The following HSCB variants were observed in gnomAD, a reference collection of about 807,000 sequenced individuals.
HSCB encodes iron-sulfur cluster co-chaperone protein HscB.
In HSCB, 23 loss-of-function variants were observed where a neutral mutation model predicts 31.3. The ratio of observed to expected loss-of-function variants is 0.74; its 90% confidence interval spans 0.53 to 1.04. HSCB has a LOEUF of 1.04. Ranked by LOEUF, HSCB falls within the 50% of genes least tolerant of loss-of-function variation. The pLI, the probability that HSCB is intolerant of heterozygous loss-of-function variation, is 0.00. For missense variants in HSCB, 297 were observed against 288.1 expected, an observed-to-expected ratio of 1.03 and a Z score of -0.22; for synonymous variants, 110 against 104.5, an observed-to-expected ratio of 1.05 and a Z score of -0.32.
chr22:28,751,497 C>G (rs2030253089), intron 5 of HSCB, among the ~76,000 whole-genome samples: 1 of 152,190 alleles, frequency 6.6e-6, no homozygotes, highest in African/African-American at 2.4e-5. Context: ...TGCCTGTAAT[C>G]CCAACACTGG....
rs2030665041 is a variant in HSCB, at chr22:28,757,176, AT to A, written c.*8del. 1 of 1,409,214 alleles carries A rather than the reference AT, an allele frequency of 7.1e-7. No individual in the cohort carries two copies. Among genetic ancestry groups the A allele is most frequent in the African/African-American group, 1.4e-5 (1 of 70,890 alleles). 87.3% of individuals were successfully genotyped at this position (1,409,214 alleles called of 1,614,324 possible). ...AAAGAAGATTCCCCTTTAATTGTGG[AT>A]AGTTTAAAGTTTAAAAAATAAAGTT... On this transcript the variant is annotated 3_prime_UTR_variant, in exon 6 of 6. Transcript: ENST00000216027.
chr22:28,754,785 G>A (rs1459115265), intron 5 of HSCB, among the ~76,000 whole-genome samples: 1 of 143,512 alleles, frequency 7.0e-6, no homozygotes, highest in Non-Finnish European at 1.5e-5. Flanking sequence ...TTTATGTCAT[G>A]TGTTACCAAC....
At chr22:28,747,172 G>A (rs927000123) in intron 4 of HSCB, among the ~76,000 whole-genome samples, 3 of 152,134 alleles carry the variant, frequency 2.0e-5, no homozygotes, top group Admixed American at 6.6e-5. Flanking sequence ...ACCTGTTTTT[G>A]CACTTAATGC....
At position 28,749,942 on chromosome 22, in the gene HSCB, TAAAGCACGTA is replaced by T. The variant is rs545261529; in HGVS notation, c.569-1292_569-1283del. On this transcript the variant is annotated intron_variant, in intron 4 of 5. Transcript: ENST00000216027. ...GTTGTGGGGATCAAGTTAAATGAGA[TAAAGCACGTA>T]AAAGCATGTATTCTAGGCCAGGTTT... Among the ~76,000 whole-genome samples the T allele has an allele frequency of 2.4e-4, 37 of 152,140 alleles. No individual in the cohort carries two copies. The East Asian group carries it at 6.4e-3, about 26-fold the overall frequency.
intron 2 of HSCB, 139 bp downstream of exon 2, chr22:28,744,117 C>T: frequency 1.4e-6 from 1 of 721,892 alleles, no homozygotes; most frequent in Admixed American, 2.1e-5. Context: ...CCCAGCCTGT[C>T]AGACCCAGAG....
chr22:28,757,048 G>C (rs2030648457), intron 5 of HSCB, 30 bp from the exon 6 acceptor site: 1 of 1,261,396 alleles, frequency 7.9e-7, no homozygotes, highest in African/African-American at 1.5e-5. Flanking sequence ...TTGAAATGAA[G>C]CCTGACTTCA....
At chr22:28,751,478 G>A (rs186790320) in intron 5 of HSCB, among the ~76,000 whole-genome samples, 190 bp downstream of exon 5, 260 of 152,268 alleles carry the variant, frequency 1.7e-3, no homozygotes, top group African/African-American at 6.0e-3. Context: ...GGCCAGGCAC[G>A]GTGGCTAATG....
intron 3 of HSCB, among the ~76,000 whole-genome samples, chr22:28,745,012 G>C (rs868448870): frequency 6.6e-6 from 1 of 151,234 alleles, no homozygotes; most frequent in Non-Finnish European, 1.5e-5. Flanking sequence ...GAGCCTGAGA[G>C]GTCAAGGCTG....
chr22:28,749,486 G>A (rs921009427), intron 4 of HSCB, among the ~76,000 whole-genome samples: 1 of 152,128 alleles, frequency 6.6e-6, no homozygotes, highest in Non-Finnish European at 1.5e-5. Flanking sequence ...ACTGTTCTAT[G>A]TGACATTAAT....
At chr22:28,746,244 G>A (rs1172291726) in intron 4 of HSCB, among the ~76,000 whole-genome samples, 1 of 151,948 alleles carries the variant, frequency 6.6e-6, no homozygotes, top group Non-Finnish European at 1.5e-5. Flanking sequence ...AGCCGGGCGT[G>A]GTGGCGGGTG....
chr22:28,745,059 A>G (rs1250034249), intron 3 of HSCB, among the ~76,000 whole-genome samples: 3 of 151,608 alleles, frequency 2.0e-5, no homozygotes, highest in Non-Finnish European at 4.4e-5. Context: ...CCCTCTCAAA[A>G]AAAAAAAAAA....
At chr22:28,742,840 GA>G in intron 1 of HSCB, 1 of 157,556 alleles carries the variant, frequency 6.3e-6, no homozygotes, top group Non-Finnish European at 1.4e-5. Context: ...AGGCCTGAGG[GA>G]AAAGTGAGAA....
chr22:28,756,741 G>A (rs969361126), intron 5 of HSCB, among the ~76,000 whole-genome samples: 2 of 151,666 alleles, frequency 1.3e-5, no homozygotes, highest in Non-Finnish European at 2.9e-5. Context: ...CCATCCTCCC[G>A]CCTCAGCCTC....
intron 5 of HSCB, among the ~76,000 whole-genome samples, chr22:28,754,799 A>G (rs1335718984): frequency 6.8e-6 from 1 of 146,204 alleles, no homozygotes; most frequent in Non-Finnish European, 1.5e-5. Flanking sequence ...TACCAACTTA[A>G]TTTTTTTTTT....
Position 28,748,041 on chromosome 22 carries a change from C to T in HSCB, c.568+2033C>T, listed in dbSNP as rs144604207. On this transcript the variant is annotated intron_variant, in intron 4 of 5. Coordinates refer to ENST00000216027, the MANE Select transcript of HSCB (RefSeq NM_172002.5). ...TCTACTAAAAATATAAAAAATTAGC[C>T]GGGCGTGTTAGCACACGCCTGTAGT... 8.2e-3 allele frequency among the ~76,000 whole-genome samples: 1,245 copies of T among 152,176 alleles called. 19 individuals are homozygous for T. Among genetic ancestry groups the T allele is most frequent in the African/African-American group, 0.029 (1,202 of 41,510 alleles).
intron 5 of HSCB, among the ~76,000 whole-genome samples, 161 bp from the exon 6 acceptor site, chr22:28,756,917 A>G (rs1007647983): frequency 1.3e-5 from 2 of 152,108 alleles, no homozygotes; most frequent in African/African-American, 4.8e-5. Context: ...TGTCTCCTTA[A>G]CAATCCAGAT....
chr22:28,744,516 C>A, intron 2 of HSCB, 99 bp from the exon 3 acceptor site: 1 of 826,728 alleles, frequency 1.2e-6, no homozygotes, highest in Non-Finnish European at 2.0e-6. Context: ...CGCGCCACTG[C>A]ACACTCCAGC....
rs983999019 is a variant in HSCB at position 28,757,257 on chromosome 22, T to G, written c.*88T>G. On this transcript the variant is annotated 3_prime_UTR_variant, in exon 6 of 6. Coordinates refer to ENST00000216027, the MANE Select transcript of HSCB (RefSeq NM_172002.5). ...ATCCCAGCACTTTGGGAGGCTGAGG[T>G]GGGTGGATGACAAGGTCAGGAGTTC... 4 of 664,330 alleles carry G rather than the reference T, an allele frequency of 6.0e-6. No homozygotes were observed. The African/African-American group carries it at 7.3e-5, about 12-fold the overall frequency. The allele number at this position is 664,330 out of a possible 1,614,324, so 41.2% of individuals were successfully genotyped here.
At chr22:28,753,151 A>G (rs556303211) in intron 5 of HSCB, among the ~76,000 whole-genome samples, 20 of 152,288 alleles carry the variant, frequency 1.3e-4, no homozygotes, top group African/African-American at 4.8e-4. Flanking sequence ...CGAAAGGAAG[A>G]CCATTGGAGA....
Sources: gnomAD v4.1 joint callset for allele counts (sites outside exome capture counted in the v4.1 genomes callset) on GRCh38, gnomAD v4.1.1 for gene constraint, MANE v1.5 for transcripts, NCBI Gene and HGNC (gene_info 2026-07-23, HGNC 2026-07-21) for gene names.